Variants in SYN1 observed in about 807,000 individuals in gnomAD.
The protein encoded by SYN1 is synapsin I.
In SYN1, 8 loss-of-function variants were observed where a neutral mutation model predicts 44.6. That is an observed-to-expected ratio of 0.18 (90% CI 0.11 to 0.32). The LOEUF is 0.32. Ranked by LOEUF, SYN1 falls within the 10% of genes least tolerant of loss-of-function variation. SYN1 has a pLI of 1.00. For synonymous variants in SYN1, 275 were observed against 280.1 expected, an observed-to-expected ratio of 0.98 and a Z score of 0.18; for missense variants, 451 against 639.4, an observed-to-expected ratio of 0.71 and a Z score of 3.18.
At chrX:47,576,110 C>T (rs2057776727) in intron 9 of SYN1, 21 bp downstream of exon 9, 2 of 1,181,519 alleles carry the variant, frequency 1.7e-6, no homozygotes, top group Non-Finnish European at 2.3e-6. Flanking sequence ...CTCTACCCCA[C>T]CTACCCCTGG....
At chrX:47,588,570 C>T (rs957144538) in intron 5 of SYN1, among the ~76,000 whole-genome samples, 1 of 112,367 alleles carries the variant, frequency 8.9e-6, no homozygotes, top group Admixed American at 9.4e-5. Context: ...GAGACCAGAA[C>T]AGGTCTCAGG....
chrX:47,605,761 C>A (rs777193475), intron 3 of SYN1, among the ~76,000 whole-genome samples: 2 of 111,630 alleles, frequency 1.8e-5, no homozygotes, highest in African/African-American at 6.5e-5. Context: ...CCCTAGATAT[C>A]TGCATGGATC....
In SYN1 at chrX:47,608,695, CG is replaced by C. The variant is rs780233297; in HGVS notation, c.378-1498del. Among the ~76,000 whole-genome samples the C allele has an allele frequency of 4.3e-3, 471 of 109,832 alleles. 3 individuals carry two copies. The highest frequency in any genetic ancestry group is 0.013 in the African/African-American group (383 of 30,118). ...TCACGAACTGCTATGTCATTGTCCC[CG>C]GGCCCGTCCCCAGCTGGGCTTGGTT... On this transcript the variant is annotated intron_variant, in intron 1 of 12. Transcript: ENST00000295987.
At chrX:47,605,874 G>A (rs1284829649) in intron 3 of SYN1, among the ~76,000 whole-genome samples, 5 of 110,151 alleles carry the variant, frequency 4.5e-5, no homozygotes, top group Admixed American at 3.9e-4. Context: ...TGCTACATCT[G>A]CTTTAGTGCT....
chrX:47,588,995 T>G lies in SYN1; in HGVS notation c.775-11494A>C, dbSNP rs190921032. Among the ~76,000 whole-genome samples the G allele has an allele frequency of 4.6e-4, 51 of 110,904 alleles. No individual in the cohort carries two copies. In the East Asian group the frequency reaches 0.014, roughly 30 times the overall value. On this transcript the variant is annotated intron_variant, in intron 5 of 12. Coordinates refer to ENST00000295987, the MANE Select transcript of SYN1 (RefSeq NM_006950.3). ...GGTGTCTTTGCCCCTTGGATATTTT[T>G]GGGGGGGTCAAAACACAGGAAATGG...
intron 9 of SYN1, 38 bp from the exon 10 acceptor site, chrX:47,575,312 C>T (rs764675391): frequency 8.3e-7 from 1 of 1,199,306 alleles, no homozygotes; most frequent in African/African-American, 1.7e-5. Flanking sequence ...GAGAGGCAGG[C>T]CTCGCACCTG....
intron 5 of SYN1, among the ~76,000 whole-genome samples, chrX:47,600,037 A>T (rs1189081743): frequency 8.9e-6 from 1 of 112,609 alleles, no homozygotes; most frequent in Non-Finnish European, 1.9e-5. Flanking sequence ...AAGAAGATTT[A>T]ACAATAATAA....
chrX:47,579,919 CA>C (rs1474815993), intron 5 of SYN1, among the ~76,000 whole-genome samples: 2 of 98,009 alleles, frequency 2.0e-5, no homozygotes, highest in Non-Finnish European at 4.1e-5. Context: ...GTAGGTCACT[CA>C]GCCCTTTTGT....
At chrX:47,594,833 T>C (rs2147923705) in intron 5 of SYN1, among the ~76,000 whole-genome samples, 1 of 109,826 alleles carries the variant, frequency 9.1e-6, no homozygotes, top group African/African-American at 3.3e-5. Flanking sequence ...GTTCAAGCAA[T>C]TCTCCTGCCT....
At chrX:47,613,233 T>G (rs1402480048) in intron 1 of SYN1, among the ~76,000 whole-genome samples, 1 of 106,118 alleles carries the variant, frequency 9.4e-6, no homozygotes, top group Non-Finnish European at 1.9e-5. Flanking sequence ...GAAGTGACAC[T>G]AGGCAACCAG....
intron 5 of SYN1, among the ~76,000 whole-genome samples, chrX:47,578,878 C>A (rs756780905): frequency 7.2e-5 from 8 of 111,354 alleles, no homozygotes; most frequent in Non-Finnish European, 1.1e-4. Context: ...CTCTGCACAC[C>A]CCCCCTTCCT....
At chrX:47,614,705 C>A (rs2057926287) in intron 1 of SYN1, among the ~76,000 whole-genome samples, 1 of 111,908 alleles carries the variant, frequency 8.9e-6, no homozygotes, top group Admixed American at 9.5e-5. Context: ...GAATTATCCG[C>A]TGCTGATGGC....
At chrX:47,613,156 A>G (rs942347064) in intron 1 of SYN1, among the ~76,000 whole-genome samples, 6 of 98,203 alleles carry the variant, frequency 6.1e-5, no homozygotes, top group African/African-American at 1.9e-4. Context: ...AAAAAAAAAA[A>G]GGGAGGAGCG....
chrX:47,586,270 G>A (rs757186791), intron 5 of SYN1: 11 of 752,447 alleles, frequency 1.5e-5, no homozygotes, highest in Middle Eastern at 7.6e-4. Flanking sequence ...TTCCACAGGC[G>A]ACCTGCCTGA....
At chrX:47,598,503 G>A (rs753901754) in intron 5 of SYN1, among the ~76,000 whole-genome samples, 1 of 111,501 alleles carries the variant, frequency 9.0e-6, no homozygotes, top group African/African-American at 3.3e-5. Flanking sequence ...GACCAGCATG[G>A]GCAACATGGC....
At chrX:47,618,370 G>A (rs756208091) in intron 1 of SYN1, among the ~76,000 whole-genome samples, 2 of 112,187 alleles carry the variant, frequency 1.8e-5, no homozygotes, top group East Asian at 5.6e-4. Context: ...CACACTGCAG[G>A]CAGTTGATAA....
intron 3 of SYN1, among the ~76,000 whole-genome samples, chrX:47,606,126 C>G (rs1355755491): frequency 9.0e-6 from 1 of 110,649 alleles, no homozygotes; most frequent in Non-Finnish European, 1.9e-5. Context: ...CTCCTGGGCT[C>G]AAGCAATCCA....
At chrX:47,590,238 C>T (rs1324823014) in intron 5 of SYN1, 1 of 111,501 alleles carries the variant, frequency 9.0e-6, no homozygotes, top group Non-Finnish European at 1.9e-5. Context: ...GTGGTTAGAT[C>T]CTTCTACACG....
In SYN1 at chrX:47,574,412, C is replaced by T; in HGVS notation, c.1572G>A (p.Pro524=). 9.7e-7 allele frequency: 1 copy of T among 1,026,314 alleles called. No homozygotes were observed. The highest frequency in any genetic ancestry group is 1.2e-6 in the Non-Finnish European group (1 of 812,400). The allele number at this position is 1,026,314 out of a possible 1,213,427, so 84.6% of individuals were successfully genotyped here. The part of the protein sequence containing the change: ...APQQPASQAA[P]PTQGQGRQSR... ...ATTGGCGGCCTTGACCCTGGGTCGG[C>T]GGCGCGGCCTGGGACGCGGGCTGCT... The change falls in exon 12 of 13, where the codon CCG becomes CCA. Residue 524 remains proline (P), a synonymous_variant. Coordinates refer to ENST00000295987, the MANE Select transcript of SYN1 (RefSeq NM_006950.3).
Sources: gnomAD v4.1 joint callset for allele counts (sites outside exome capture counted in the v4.1 genomes callset) on GRCh38, gnomAD v4.1.1 for gene constraint, MANE v1.5 for transcripts, NCBI Gene and HGNC (gene_info 2026-07-23, HGNC 2026-07-21) for gene names.